Variants in IGSF9B observed in about 807,000 individuals in gnomAD.
IGSF9B encodes the protein protein turtle homolog B.
IGSF9B carries 48 observed loss-of-function variants against 143.7 expected under a neutral mutation model. That is an observed-to-expected ratio of 0.33 (90% CI 0.26 to 0.42). The LOEUF is 0.42. Ranked by LOEUF, IGSF9B falls within the 20% of genes least tolerant of loss-of-function variation. The pLI is 1.00. For synonymous variants in IGSF9B, 903 were observed against 833.1 expected (o/e 1.08, Z -1.44); for missense variants, 1,706 against 1,980.0 (o/e 0.86, Z 2.63).
chr11:133,944,000 C>T (rs536542399), intron 3 of IGSF9B, among the ~76,000 whole-genome samples: 2 of 152,348 alleles, frequency 1.3e-5, no homozygotes, highest in South Asian at 2.1e-4. Context: ...AGGGAGCTGC[C>T]GCTCCTGGGC....
In IGSF9B at chr11:133,916,168, CAGG is replaced by C. The variant is rs201962416; in HGVS notation, c.3983+3571_3983+3573del. 5.6e-3 allele frequency among the ~76,000 whole-genome samples: 859 copies of C among 152,236 alleles called. 7 individuals are homozygous for C. Among genetic ancestry groups the C allele is most frequent in the African/African-American group, 0.016 (681 of 41,526 alleles). ...AGGACAGGGCATCACTAGGCTCAGA[CAGG>C]AGCTAAGAATTGGCTCGGCCTCCCC... is the stretch of plus-strand genomic sequence containing the variant. On this transcript the variant is annotated intron_variant, in intron 18 of 19. Transcript: ENST00000533871.
In IGSF9B at chr11:133,904,305, A is replaced by G. The variant is rs1939181402; in HGVS notation, c.*4764T>C. Among the ~76,000 whole-genome samples, 1 of 152,188 alleles carries G rather than the reference A, an allele frequency of 6.6e-6. No individual in the cohort carries two copies. The highest frequency in any genetic ancestry group is 1.5e-5 in the Non-Finnish European group (1 of 68,030). ...AATGGCACTTCCTTCTCCACTGATG[A>G]AGAGCTGGTGATAGGATGGGCATCT... is the stretch of plus-strand genomic sequence containing the variant. On this transcript the variant is annotated 3_prime_UTR_variant, in exon 20 of 20. Transcript: ENST00000533871.
rs1031119149 is a variant in IGSF9B, at chr11:133,903,141, A to G, written c.*5928T>C. On this transcript the variant is annotated 3_prime_UTR_variant, in exon 20 of 20. Transcript: ENST00000533871. ...AGGGAAGGGAAGCTAACTGGTGTGT[A>G]TACGGGGTGGCGAGGGAGAACCTGC... is the stretch of plus-strand genomic sequence containing the variant. Among the ~76,000 whole-genome samples, 1 of 152,156 alleles carries G rather than the reference A, an allele frequency of 6.6e-6. No homozygotes were observed. Among genetic ancestry groups the G allele is most frequent in the Non-Finnish European group, 1.5e-5 (1 of 68,028 alleles).
rs1472261036 is a variant in IGSF9B, at chr11:133,908,521, CCCT to C, written c.*545_*547del. ...GCTCGCAAACCCCAGCTGGCCACTG[CCCT>C]CCTCCTCCTGCCTCCACTGACCACA... On this transcript the variant is annotated 3_prime_UTR_variant, in exon 20 of 20. Transcript: ENST00000533871. The C allele has an allele frequency of 6.6e-6, 1 of 152,058 alleles. No homozygotes were observed. Among genetic ancestry groups the C allele is most frequent in the Non-Finnish European group, 1.5e-5 (1 of 68,048 alleles). The allele number at this position is 152,058 out of a possible 1,614,324, so 9.4% of individuals were successfully genotyped here.
chr11:133,913,244 A>G lies in IGSF9B; in HGVS notation c.3984-1237T>C, dbSNP rs1050733986. On this transcript the variant is annotated intron_variant, in intron 18 of 19. Coordinates refer to ENST00000533871, the MANE Select transcript of IGSF9B (RefSeq NM_001277285.4). This position sits in a 1 kb window ranked among gnomAD's most constrained non-coding sequence, Gnocchi z 4.6. ...TATCTCCATTGCAAACAGTTTTTGG[A>G]AAGTCCTGATTAAAAGAGGTAGGAC... Among the ~76,000 whole-genome samples, 2 of 152,102 alleles carry G rather than the reference A, an allele frequency of 1.3e-5. No homozygotes were observed. The highest frequency in any genetic ancestry group is 6.5e-5 in the Admixed American group (1 of 15,268).
At chr11:133,944,183 A>C in intron 3 of IGSF9B, 37 bp downstream of exon 3, 3 of 1,562,344 alleles carry the variant, frequency 1.9e-6, no homozygotes, top group Non-Finnish European at 2.6e-6. Flanking sequence ...GGCACCGTTG[A>C]TGGTGAGGTG....
rs1229502334 is a variant in IGSF9B at position 133,931,500 on chromosome 11, G to A, written c.1321C>T (p.Pro441Ser). The A allele has an allele frequency of 1.2e-6, 2 of 1,613,148 alleles. No homozygotes were observed. Among genetic ancestry groups the A allele is most frequent in the Non-Finnish European group, 1.7e-6 (2 of 1,179,842 alleles). The change falls in exon 10 of 20, where the codon CCC becomes TCC. Residue 441 changes from proline (P) to serine (S), a missense_variant. Physicochemically the swap from Pro to Ser is moderately conservative, Grantham distance 74. This residue lies in a region of IGSF9B where 238 missense variants were observed against 452.6 expected (regional missense o/e 0.53). Coordinates refer to ENST00000533871, the MANE Select transcript of IGSF9B (RefSeq NM_001277285.4). This position sits in a 1 kb window ranked among gnomAD's most constrained non-coding sequence, Gnocchi z 7.7. ...AAGGGGTCCCCTGCGGCAGCACAGG[G>A]GATAAGTAGCTCCCGGCCGGCCTCC... ...RQEAGRELLI[P>S]CAAAGDPFPV...
rs961378362 is a variant in IGSF9B, at chr11:133,903,506, T to C, written c.*5563A>G. On this transcript the variant is annotated 3_prime_UTR_variant, in exon 20 of 20. Transcript: ENST00000533871. The stretch of plus-strand genomic sequence containing the variant: ...CTGGCCACTGTTCCACCAGAGTATA[T>C]GGCAACCAAGATACCCAGACTCTTC... Among the ~76,000 whole-genome samples the C allele has an allele frequency of 1.3e-5, 2 of 152,170 alleles. No individual in the cohort carries two copies. The highest frequency in any genetic ancestry group is 1.3e-4 in the Admixed American group (2 of 15,276).
chr11:133,932,268 G>A, intron 7 of IGSF9B, 55 bp from the exon 8 acceptor site: 4 of 1,511,538 alleles, frequency 2.6e-6, no homozygotes, highest in South Asian at 1.3e-5. Flanking sequence ...GGGACAGACA[G>A]ACAGACACAG....
In IGSF9B at chr11:133,904,451, G is replaced by A. The variant is rs1481615723; in HGVS notation, c.*4618C>T. 7.2e-5 allele frequency among the ~76,000 whole-genome samples: 11 copies of A among 152,128 alleles called. No homozygotes were observed. Among genetic ancestry groups the A allele is most frequent in the Non-Finnish European group, 1.5e-4 (10 of 68,020 alleles). ...TTAGTGTTAGAGGCTAATTCTAGAA[G>A]AAGCAAGGAAGATCTAGCTAAGAAG... On this transcript the variant is annotated 3_prime_UTR_variant, in exon 20 of 20. Transcript: ENST00000533871.
At chr11:133,954,827 G>T (rs1940220869) in intron 1 of IGSF9B, among the ~76,000 whole-genome samples, 1 of 152,150 alleles carries the variant, frequency 6.6e-6, no homozygotes, top group African/African-American at 2.4e-5. Context: ...CCAGACAGGG[G>T]TACATGTCCA....
Position 133,943,041 on chromosome 11 carries a change from C to T in IGSF9B, c.409+1179G>A, listed in dbSNP as rs551610680. Reference sequence around the variant, plus strand: ...ACCCAAAAGGAACACAGGTCTGGCCCAGCCCCCCCAGGCAGGGCAGACAGA... The same window carrying T: ...ACCCAAAAGGAACACAGGTCTGGCCTAGCCCCCCCAGGCAGGGCAGACAGA... On this transcript the variant is annotated intron_variant, in intron 3 of 19. Coordinates refer to ENST00000533871, the MANE Select transcript of IGSF9B (RefSeq NM_001277285.4). 2.0e-3 allele frequency among the ~76,000 whole-genome samples: 305 copies of T among 152,286 alleles called. 2 individuals carry two copies. The highest frequency in any genetic ancestry group is 6.4e-3 in the African/African-American group (267 of 41,564).
intron 1 of IGSF9B, among the ~76,000 whole-genome samples, chr11:133,951,271 C>T (rs542583449): frequency 5.3e-5 from 8 of 152,226 alleles, no homozygotes; most frequent in Non-Finnish European, 8.8e-5. Context: ...CTTCTGCCTG[C>T]GGGAAAGCCC....
intron 19 of IGSF9B, among the ~76,000 whole-genome samples, chr11:133,910,145 C>T (rs1219930445): frequency 1.3e-5 from 2 of 152,108 alleles, no homozygotes; most frequent in South Asian, 4.2e-4. Flanking sequence ...GTTCTGGTTA[C>T]GATGGGAATC....
rs540292867 is a variant in IGSF9B at position 133,951,389 on chromosome 11, C to T, written c.65-5131G>A. 2.5e-3 allele frequency among the ~76,000 whole-genome samples: 385 copies of T among 152,304 alleles called. 3 individuals are homozygous for T. Among genetic ancestry groups the T allele is most frequent in the Non-Finnish European group, 3.7e-3 (250 of 68,020 alleles). ...CACGCGCCACCAAACCTCTCAGGTTCGGAAGCCACGGGTCAGGGAGCCCCA... is the reference window on the plus strand; with the variant it reads ...CACGCGCCACCAAACCTCTCAGGTTTGGAAGCCACGGGTCAGGGAGCCCCA... On this transcript the variant is annotated intron_variant, in intron 1 of 19. Transcript: ENST00000533871.
In IGSF9B at chr11:133,914,516, G is replaced by A. The variant is rs540832877; in HGVS notation, c.3984-2509C>T. Among the ~76,000 whole-genome samples the A allele has an allele frequency of 7.9e-5, 12 of 152,306 alleles. No individual in the cohort carries two copies. In the South Asian group the frequency reaches 1.9e-3, roughly 24 times the overall value. Reference sequence around the variant, plus strand: ...GAGAGGAGCCTGCTTAAGTTGTATCGTCAAAGCAAAAATTCCCAGACAGTA... The same window carrying A: ...GAGAGGAGCCTGCTTAAGTTGTATCATCAAAGCAAAAATTCCCAGACAGTA... On this transcript the variant is annotated intron_variant, in intron 18 of 19. Coordinates refer to ENST00000533871, the MANE Select transcript of IGSF9B (RefSeq NM_001277285.4).
rs1939811542 is a variant in IGSF9B at position 133,935,782 on chromosome 11, CA to C, written c.822-21del. 1 of 1,607,964 alleles carries C rather than the reference CA, an allele frequency of 6.2e-7. No individual in the cohort carries two copies. Among genetic ancestry groups the C allele is most frequent in the African/African-American group, 1.3e-5 (1 of 75,040 alleles). The stretch of plus-strand genomic sequence containing the variant: ...AGGTCGCTGCAAAGCGGCATGGGGA[CA>C]GGGGGTTGGGCGAGCAGAAGGGGAT... On this transcript the variant is annotated intron_variant, in intron 6 of 19. Transcript: ENST00000533871.
chr11:133,909,222 A>G lies in IGSF9B; in HGVS notation c.4161T>C (p.Asp1387=). ...TCTTCTTTCGGAGGCAGACAGCTTC[A>G]TCGGGCCACAGAACCTGAGAGTTGG... ...QLPNSQVLWP[D]EAVCLRKKKR... is the part of the protein sequence containing the mutation. The change falls in exon 20 of 20, where the codon GAT becomes GAC. Residue 1387 remains aspartate (D), a synonymous_variant. Transcript: ENST00000533871. The surrounding 1 kb of genome is among the most constrained non-coding windows in gnomAD (Gnocchi z 4.2). The G allele has an allele frequency of 1.3e-6, 2 of 1,535,926 alleles. No individual in the cohort carries two copies. Among genetic ancestry groups the G allele is most frequent in the Non-Finnish European group, 1.7e-6 (2 of 1,146,736 alleles).
rs555724183 is a variant in IGSF9B at position 133,928,645 on chromosome 11, G to A, written c.1631+1026C>T. 3.3e-5 allele frequency among the ~76,000 whole-genome samples: 5 copies of A among 152,304 alleles called. No individual in the cohort carries two copies. The highest frequency in any genetic ancestry group is 1.9e-4 in the East Asian group (1 of 5,174). The stretch of plus-strand genomic sequence containing the variant: ...CTCCCAGCTCAAGGTTGTCACCCCC[G>A]GGGCAGGGCAGGTGGCTGCCACTCT... On this transcript the variant is annotated intron_variant, in intron 12 of 19. Transcript: ENST00000533871. The surrounding 1 kb of genome is among the most constrained non-coding windows in gnomAD (Gnocchi z 4.7).
Sources: allele counts gnomAD v4.1 joint callset (sites outside exome capture counted in the v4.1 genomes callset), GRCh38; gene constraint gnomAD v4.1.1; regional missense constraint gnomAD v4.1.1; non-coding constraint Gnocchi (gnomAD v3.1); transcripts MANE v1.5; gene names NCBI Gene and HGNC (gene_info 2026-07-23, HGNC 2026-07-21).